The following FMN1 variants were observed in gnomAD, a reference collection of about 807,000 sequenced individuals.
FMN1 encodes formin-1.
In FMN1, 110 loss-of-function variants were observed where a neutral mutation model predicts 132.4. The ratio of observed to expected loss-of-function variants is 0.83; its 90% CI spans 0.71 to 0.97. The LOEUF (loss-of-function observed/expected upper bound fraction) is 0.97, where lower values mean the gene tolerates loss of function less well. Among genes scored for constraint, FMN1 ranks in the 50% least tolerant of loss-of-function variants. The pLI is 0.00. For synonymous variants in FMN1, 722 were observed against 651.7 expected (o/e 1.11, Z -1.64); for missense variants, 1,792 against 1,705.3 (o/e 1.05, Z -0.90).
chr15:32,984,747 AT>A, intron 7 of FMN1, among the ~76,000 whole-genome samples: 1 of 152,136 alleles, frequency 6.6e-6, no homozygotes, highest in South Asian at 2.1e-4. Context: ...GAAATTCAAC[AT>A]TTTTTTCTAC....
intron 4 of FMN1, among the ~76,000 whole-genome samples, chr15:33,104,036 C>T (rs1424321144): frequency 6.6e-6 from 1 of 152,030 alleles, no homozygotes; most frequent in Non-Finnish European, 1.5e-5. Flanking sequence ...AGGAACTGAT[C>T]CTTAAAGTTA....
At chr15:33,001,952 C>T (rs2034144014) in intron 7 of FMN1, among the ~76,000 whole-genome samples, 1 of 152,036 alleles carries the variant, frequency 6.6e-6, no homozygotes, top group Admixed American at 6.6e-5. Flanking sequence ...ATCAACTGTC[C>T]AATCCAAATA....
intron 4 of FMN1, among the ~76,000 whole-genome samples, chr15:33,095,399 T>C (rs951831953): frequency 6.6e-6 from 1 of 151,924 alleles, no homozygotes; most frequent in Non-Finnish European, 1.5e-5. Context: ...ACAAAAAACA[T>C]GTATATATAT....
chr15:32,844,699 T>C (rs1006192217), intron 17 of FMN1, among the ~76,000 whole-genome samples: 1 of 152,232 alleles, frequency 6.6e-6, no homozygotes, highest in South Asian at 2.1e-4. Flanking sequence ...CCTTCTAAAA[T>C]TATGGCCGTC....
chr15:33,077,777 A>G (rs1459103642), intron 5 of FMN1, among the ~76,000 whole-genome samples: 1 of 146,250 alleles, frequency 6.8e-6, no homozygotes, highest in Non-Finnish European at 1.5e-5. Context: ...ATCTACAAAG[A>G]ACTCAAACAA....
chr15:33,131,695 A>C (rs1249330590), intron 4 of FMN1, among the ~76,000 whole-genome samples: 1 of 152,156 alleles, frequency 6.6e-6, no homozygotes, highest in Non-Finnish European at 1.5e-5. Flanking sequence ...CCGAGCAGCC[A>C]TGAGGATAGG....
At chr15:33,124,141 A>G (rs1480454380) in intron 4 of FMN1, among the ~76,000 whole-genome samples, 1 of 152,188 alleles carries the variant, frequency 6.6e-6, no homozygotes, top group Non-Finnish European at 1.5e-5. Flanking sequence ...TCATCTCTAG[A>G]TCCAATAGAT....
intron 16 of FMN1, among the ~76,000 whole-genome samples, chr15:32,887,030 T>C (rs556270251): frequency 3.3e-5 from 5 of 152,262 alleles, no homozygotes; most frequent in African/African-American, 9.6e-5. Context: ...AAAAATAATA[T>C]ACAAGATAAA....
chr15:32,794,025 T>G (rs2057186320), intron 19 of FMN1, among the ~76,000 whole-genome samples: 1 of 152,146 alleles, frequency 6.6e-6, no homozygotes, highest in Non-Finnish European at 1.5e-5. Context: ...ACCTGAGCAG[T>G]AGGGAGCTCT....
At chr15:32,966,187 G>A (rs183360952) in intron 8 of FMN1, among the ~76,000 whole-genome samples, 303 of 152,130 alleles carry the variant, frequency 2.0e-3, no homozygotes, top group Non-Finnish European at 3.6e-3. Context: ...CTAGCCCCAC[G>A]GACTCTGAGG....
chr15:32,846,745 G>C (rs1402230365), intron 17 of FMN1, among the ~76,000 whole-genome samples: 1 of 152,174 alleles, frequency 6.6e-6, no homozygotes, highest in Non-Finnish European at 1.5e-5. Context: ...TTCTGCTATA[G>C]AGATGCATGC....
chr15:32,788,006 C>T (rs185759812), intron 19 of FMN1, among the ~76,000 whole-genome samples: 2 of 152,324 alleles, frequency 1.3e-5, no homozygotes, highest in Non-Finnish European at 2.9e-5. Context: ...GCATGCATTT[C>T]ACCAGCTACA....
intron 4 of FMN1, among the ~76,000 whole-genome samples, chr15:33,116,909 T>C (rs1014645154): frequency 1.6e-4 from 24 of 150,574 alleles, no homozygotes; most frequent in African/African-American, 5.3e-4. Context: ...ACGAAGTACT[T>C]GAAACACGTT....
At chr15:33,024,243 T>TGAGAAG (rs2035562777) in intron 6 of FMN1, among the ~76,000 whole-genome samples, 17 of 41,268 alleles carry the variant, frequency 4.1e-4, no homozygotes, top group South Asian at 7.2e-4. Context: ...TTTTTTTTTT[T>TGAGAAG]TTTTTTTTTT....
intron 19 of FMN1, among the ~76,000 whole-genome samples, chr15:32,797,357 G>T (rs545146612): frequency 9.2e-5 from 14 of 152,270 alleles, no homozygotes; most frequent in African/African-American, 3.1e-4. Context: ...GTACATTCCA[G>T]GCCCACTGTG....
chr15:32,811,033 C>G, intron 17 of FMN1: 1 of 456,570 alleles, frequency 2.2e-6, no homozygotes, highest in Non-Finnish European at 4.4e-6. Context: ...CTTAGAAAAT[C>G]CCCGTTGTGC....
intron 4 of FMN1, among the ~76,000 whole-genome samples, chr15:33,092,259 G>A (rs930240267): frequency 6.6e-6 from 1 of 152,188 alleles, no homozygotes; most frequent in African/African-American, 2.4e-5. Context: ...GAAGCAGACA[G>A]AATGCAAAGG....
chr15:33,170,294 G>A (rs7162862), intron 3 of FMN1, among the ~76,000 whole-genome samples: 22,544 of 151,932 alleles, frequency 0.15, 2,473 homozygotes, highest in African/African-American at 0.3. Context: ...AGAATTAAAC[G>A]TAAGACATGA....
intron 5 of FMN1, among the ~76,000 whole-genome samples, chr15:33,080,295 T>G (rs1166019267): frequency 6.6e-6 from 1 of 151,164 alleles, no homozygotes; most frequent in Non-Finnish European, 1.5e-5. Flanking sequence ...CTGTGGAGTT[T>G]GTTATTTAGG....
Sources: gnomAD v4.1 joint callset for allele counts (sites outside exome capture counted in the v4.1 genomes callset) on GRCh38, gnomAD v4.1.1 for gene constraint, MANE v1.5 for transcripts, NCBI Gene and HGNC (gene_info 2026-07-23, HGNC 2026-07-21) for gene names.